The following GPC5 variants were observed in gnomAD, a reference collection of about 807,000 sequenced individuals.
GPC5 encodes the protein glypican-5.
Under a neutral mutation model 53.9 loss-of-function variants are expected in GPC5, and 47 were observed. The ratio of observed to expected loss-of-function variants is 0.87; its 90% CI spans 0.69 to 1.11. The LOEUF (loss-of-function observed/expected upper bound fraction) is 1.11. GPC5 is among the 50% of genes most tolerant of loss of function. The pLI, the probability that GPC5 is intolerant of heterozygous loss-of-function variation, is 0.00. For missense variants in GPC5, 748 were observed against 713.1 expected (o/e 1.05, Z -0.56); for synonymous variants, 286 against 263.3 (o/e 1.09, Z -0.84).
chr13:92,201,473 A>T (rs1027651335), intron 7 of GPC5, among the ~76,000 whole-genome samples: 4 of 152,240 alleles, frequency 2.6e-5, no homozygotes, highest in African/African-American at 9.6e-5. Context: ...AAAACAAAAA[A>T]ATACATATTG....
chr13:92,615,177 A>G (rs1455347947), intron 7 of GPC5, among the ~76,000 whole-genome samples: 4 of 152,218 alleles, frequency 2.6e-5, no homozygotes, highest in African/African-American at 9.7e-5. Flanking sequence ...GCCAGACGCT[A>G]AGCCTCTGTT....
At chr13:92,020,501 T>A (rs2040748159) in intron 6 of GPC5, among the ~76,000 whole-genome samples, 1 of 152,076 alleles carries the variant, frequency 6.6e-6, no homozygotes, top group Non-Finnish European at 1.5e-5. Context: ...TTTTTCATCA[T>A]AGCCATCTAA....
intron 7 of GPC5, among the ~76,000 whole-genome samples, chr13:92,445,152 C>A (rs933730350): frequency 1.3e-5 from 2 of 151,526 alleles, no homozygotes; most frequent in Admixed American, 6.6e-5. Flanking sequence ...ATTCCTTCCT[C>A]TCTTTTCCTT....
chr13:92,396,334 TAG>T (rs957607520), intron 7 of GPC5, among the ~76,000 whole-genome samples: 6 of 152,190 alleles, frequency 3.9e-5, no homozygotes, highest in Admixed American at 6.5e-5. Flanking sequence ...CATTCTTTCT[TAG>T]AGTTTCCATC....
intron 1 of GPC5, among the ~76,000 whole-genome samples, chr13:91,441,820 A>G (rs1880455475): frequency 6.6e-6 from 1 of 152,062 alleles, no homozygotes; most frequent in Non-Finnish European, 1.5e-5. Context: ...AAGTTTGCCA[A>G]TTGTCATTTT....
chr13:91,477,641 G>A (rs1414301306), intron 2 of GPC5, among the ~76,000 whole-genome samples: 1 of 152,138 alleles, frequency 6.6e-6, no homozygotes, highest in African/African-American at 2.4e-5. Flanking sequence ...GTACATGTTG[G>A]GAAAAGGGCT....
Position 92,683,340 on chromosome 13 carries a change from C to T in GPC5, c.1562-182942C>T, listed in dbSNP as rs558317208. On this transcript the variant is annotated intron_variant, in intron 7 of 7. Transcript: ENST00000377067. ...GGTTACATAGCAACCTGGAAGATGA[C>T]GCTACTTCCAAGCCCAAGATTCTGT... 8.5e-5 allele frequency among the ~76,000 whole-genome samples: 13 copies of T among 152,230 alleles called. No homozygotes were observed. In the East Asian group the frequency reaches 2.5e-3, roughly 29 times the overall value.
chr13:92,784,030 T>A (rs1876127447), intron 7 of GPC5, among the ~76,000 whole-genome samples: 1 of 152,116 alleles, frequency 6.6e-6, no homozygotes, highest in Admixed American at 6.6e-5. Flanking sequence ...GTTAAAGAAT[T>A]TGAGACAAAA....
At chr13:91,608,448 G>T (rs1182399774) in intron 2 of GPC5, among the ~76,000 whole-genome samples, 1 of 152,160 alleles carries the variant, frequency 6.6e-6, no homozygotes, top group African/African-American at 2.4e-5. Context: ...TATTTCACAT[G>T]ACTTTAGGCT....
chr13:92,792,215 G>C (rs1259126494), intron 7 of GPC5, among the ~76,000 whole-genome samples: 1 of 152,096 alleles, frequency 6.6e-6, no homozygotes, highest in Non-Finnish European at 1.5e-5. Context: ...AGATCTCTCG[G>C]CAGAAACCCT....
At chr13:91,563,641 A>G (rs1273470361) in intron 2 of GPC5, among the ~76,000 whole-genome samples, 1 of 152,206 alleles carries the variant, frequency 6.6e-6, no homozygotes, top group East Asian at 1.9e-4. Context: ...AATTGCCATA[A>G]TGAAGAATGT....
At chr13:91,783,992 T>C (rs2138727883) in intron 5 of GPC5, among the ~76,000 whole-genome samples, 1 of 152,338 alleles carries the variant, frequency 6.6e-6, no homozygotes, top group South Asian at 2.1e-4. Flanking sequence ...TCTTCCCAGA[T>C]GGACAAGTTG....
chr13:92,385,520 A>ATG (rs1874619594), intron 7 of GPC5, among the ~76,000 whole-genome samples: 1 of 22,328 alleles, frequency 4.5e-5, no homozygotes, highest in Non-Finnish European at 7.8e-5. Context: ...ATATACATAC[A>ATG]TATGCATATA....
At chr13:91,672,747 A>G (rs1198189508) in intron 2 of GPC5, among the ~76,000 whole-genome samples, 1 of 152,224 alleles carries the variant, frequency 6.6e-6, no homozygotes, top group Non-Finnish European at 1.5e-5. Context: ...TACCCAAGGG[A>G]ATATAAATCA....
At chr13:91,649,207 C>T (rs2034635676) in intron 2 of GPC5, among the ~76,000 whole-genome samples, 1 of 152,094 alleles carries the variant, frequency 6.6e-6, no homozygotes, top group African/African-American at 2.4e-5. Context: ...TCAACTAAAC[C>T]CCTTTGCTTT....
intron 7 of GPC5, among the ~76,000 whole-genome samples, chr13:92,343,254 C>T (rs1594115251): frequency 6.6e-6 from 1 of 152,124 alleles, no homozygotes; most frequent in Admixed American, 6.6e-5. Context: ...ATCAATATGT[C>T]TGTGCCTTCA....
chr13:92,464,130 A>G (rs1426525457), intron 7 of GPC5, among the ~76,000 whole-genome samples: 1 of 152,220 alleles, frequency 6.6e-6, no homozygotes, highest in Admixed American at 6.5e-5. Flanking sequence ...AATCAAAGTT[A>G]TACAATTTAT....
chr13:91,651,643 G>A (rs1281081854), intron 2 of GPC5, among the ~76,000 whole-genome samples: 3 of 151,726 alleles, frequency 2.0e-5, no homozygotes, highest in Admixed American at 6.6e-5. Flanking sequence ...GCTTGAACCC[G>A]GGAGGCGGAG....
intron 7 of GPC5, among the ~76,000 whole-genome samples, chr13:92,496,268 A>G (rs1431475184): frequency 1.3e-5 from 2 of 152,234 alleles, no homozygotes; most frequent in African/African-American, 4.8e-5. Flanking sequence ...TGTAATAGCA[A>G]TGAATCATAG....
Sources: allele counts gnomAD v4.1 joint callset (sites outside exome capture counted in the v4.1 genomes callset), GRCh38; gene constraint gnomAD v4.1.1; transcripts MANE v1.5; gene names NCBI Gene and HGNC (gene_info 2026-07-23, HGNC 2026-07-21).